The following WAPL variants were observed in gnomAD, a reference collection of about 807,000 sequenced individuals.
WAPL encodes the protein wings apart-like protein homolog.
In WAPL, 5 loss-of-function variants were observed where a neutral mutation model predicts 121.0. The observed-to-expected ratio is 0.04, with a 90% CI of 0.02 to 0.09. WAPL has a LOEUF of 0.09. WAPL is among the 10% of genes least tolerant of loss of function. The pLI, the probability that WAPL is intolerant of heterozygous loss-of-function variation, is 1.00. For missense variants in WAPL, 999 were observed against 1,410.8 expected, an observed-to-expected ratio of 0.71 and a Z score of 4.68; for synonymous variants, 480 against 481.5, an observed-to-expected ratio of 1.00 and a Z score of 0.04.
chr10:86,436,005 A>C lies in WAPL; in HGVS notation c.*1538T>G, dbSNP rs1340204165. ...GTTACACTGGCGTACTATGTTCTTA[A>C]AAGGTGATGGGTAGGGGTTGGGGTG... is the stretch of plus-strand genomic sequence containing the variant. On this transcript the variant is annotated 3_prime_UTR_variant, in exon 19 of 19. Transcript: ENST00000298767. 6.6e-6 allele frequency: 1 copy of C among 152,484 alleles called. No individual in the cohort carries two copies. The allele number at this position is 152,484 out of a possible 1,614,324, so 9.4% of individuals were successfully genotyped here.
intron 2 of WAPL, among the ~76,000 whole-genome samples, chr10:86,507,973 A>G (rs888228897): frequency 6.6e-6 from 1 of 152,146 alleles, no homozygotes; most frequent in African/African-American, 2.4e-5. Context: ...CAAAATGTCT[A>G]TTGAGGACAA....
intron 17 of WAPL, among the ~76,000 whole-genome samples, chr10:86,440,864 G>A (rs548607893): frequency 7.4e-5 from 9 of 121,262 alleles, no homozygotes; most frequent in African/African-American, 2.6e-4. Flanking sequence ...AAACACACAG[G>A]ACTTAGATAC....
chr10:86,447,133 C>G (rs1295940150), intron 15 of WAPL, among the ~76,000 whole-genome samples: 1 of 152,212 alleles, frequency 6.6e-6, no homozygotes, highest in African/African-American at 2.4e-5. Context: ...TTTCTTCTTT[C>G]ACTGAGTGCA....
chr10:86,446,138 G>T, intron 16 of WAPL, 104 bp downstream of exon 16: 1 of 1,282,664 alleles, frequency 7.8e-7, no homozygotes, highest in Non-Finnish European at 1.1e-6. Flanking sequence ...AGGTCCTCAA[G>T]CAATAGCCAG....
chr10:86,463,649 T>A (rs1176461661), intron 9 of WAPL, among the ~76,000 whole-genome samples: 1 of 152,244 alleles, frequency 6.6e-6, no homozygotes, highest in African/African-American at 2.4e-5. Context: ...GTATGGTGTT[T>A]ATCAAGTCTA....
chr10:86,472,668 T>A lies in WAPL; in HGVS notation c.1837A>T (p.Thr613Ser), dbSNP rs1480419126. The A allele has an allele frequency of 1.2e-6, 2 of 1,613,928 alleles. No individual in the cohort carries two copies. Among genetic ancestry groups the A allele is most frequent in the East Asian group, 2.2e-5 (1 of 44,832 alleles). ...GTAACTATATCTTGGTAGGGCTGAG[T>A]AGGTATTGTCACAGTTTTTATCACT... ...SKVIKTVTIPTQPYQDIVTAL... is the reference protein window; with the variant it reads ...SKVIKTVTIPSQPYQDIVTAL... The change falls in exon 6 of 19, where the codon ACT becomes TCT. Residue 613 changes from threonine to serine, a missense_variant. Physicochemically the swap from Thr to Ser is moderately conservative, Grantham distance 58. Transcript: ENST00000298767. The surrounding 1 kb of genome is among the most constrained non-coding windows in gnomAD (Gnocchi z 4.2).
Position 86,483,729 on chromosome 10 carries a change from A to ACT in WAPL, c.1645-9758_1645-9757dup, listed in dbSNP as rs150585992. On this transcript the variant is annotated intron_variant, in intron 4 of 18. Coordinates refer to ENST00000298767, the MANE Select transcript of WAPL (RefSeq NM_015045.5). ...GAAGACTGTGAGAATTATGATCTTC[A>ACT]CTCTGGATAGGTCTAGGCTGGTGTA... is the stretch of plus-strand genomic sequence containing the variant. Among the ~76,000 whole-genome samples, 772 of 138,320 alleles carry ACT rather than the reference A, an allele frequency of 5.6e-3. 6 individuals are homozygous for ACT. Among genetic ancestry groups the ACT allele is most frequent in the African/African-American group, 0.02 (736 of 36,366 alleles). 90.7% of individuals were successfully genotyped at this position (138,320 alleles called of 152,430 possible).
At chr10:86,492,218 TGGAAGAAGGAGAGG>T (rs1163226773) in intron 4 of WAPL, among the ~76,000 whole-genome samples, 57 of 152,314 alleles carry the variant, frequency 3.7e-4, no homozygotes, top group African/African-American at 1.3e-3. Context: ...TGGAGACAGC[TGGAAGAAGGAGAGG>T]GGAAGAAGGA....
At chr10:86,441,665 C>T (rs1228217647) in intron 17 of WAPL, among the ~76,000 whole-genome samples, 2 of 151,562 alleles carry the variant, frequency 1.3e-5, no homozygotes, top group Admixed American at 6.6e-5. Flanking sequence ...AGCACGGGAC[C>T]ATAAGGGCTA....
chr10:86,491,870 CTGTG>C (rs1411105830), intron 4 of WAPL, among the ~76,000 whole-genome samples: 1 of 152,108 alleles, frequency 6.6e-6, no homozygotes, highest in Non-Finnish European at 1.5e-5. Flanking sequence ...TCCAGTTACC[CTGTG>C]TGTGTGTTAA....
At chr10:86,479,360 C>G (rs529531008) in intron 4 of WAPL, among the ~76,000 whole-genome samples, 2 of 152,220 alleles carry the variant, frequency 1.3e-5, no homozygotes, top group African/African-American at 4.8e-5. Flanking sequence ...CGGGTTCAAG[C>G]GATTCTCCTG....
At chr10:86,505,988 G>A (rs1289123770) in intron 2 of WAPL, among the ~76,000 whole-genome samples, 2 of 152,144 alleles carry the variant, frequency 1.3e-5, no homozygotes, top group Admixed American at 6.5e-5. Context: ...CAGAAGCACT[G>A]GTTCATGACA....
chr10:86,456,574 A>G (rs540124582), intron 12 of WAPL, among the ~76,000 whole-genome samples: 3 of 152,348 alleles, frequency 2.0e-5, no homozygotes, highest in South Asian at 2.1e-4. Flanking sequence ...CATGCATTAT[A>G]TATCACACAA....
intron 9 of WAPL, among the ~76,000 whole-genome samples, chr10:86,462,721 CAAA>C (rs59998538): frequency 5.0e-5 from 4 of 80,608 alleles, no homozygotes; most frequent in Non-Finnish European, 7.2e-5. Context: ...GATCCCGTCT[CAAA>C]AAAAAAAAAA....
intron 1 of WAPL, among the ~76,000 whole-genome samples, chr10:86,520,297 AAAT>A (rs924323359): frequency 3.9e-5 from 6 of 152,184 alleles, no homozygotes; most frequent in Admixed American, 2.6e-4. Flanking sequence ...CTCCGTCTCA[AAAT>A]AATAATAATA....
At chr10:86,460,360 A>C (rs769089141) in intron 11 of WAPL, 39 bp downstream of exon 11, 1 of 1,517,030 alleles carries the variant, frequency 6.6e-7, no homozygotes, top group African/African-American at 1.4e-5. Flanking sequence ...ATCACAATTA[A>C]GACTGAATAA....
chr10:86,520,172 G>A (rs1485219122), intron 1 of WAPL, among the ~76,000 whole-genome samples: 1 of 152,154 alleles, frequency 6.6e-6, no homozygotes, highest in Non-Finnish European at 1.5e-5. Flanking sequence ...GCGCATGCCT[G>A]TAATCCCAGC....
rs370511447 is a variant in WAPL, at chr10:86,500,634, T to G, written c.609A>C (p.Glu203Asp). The stretch of plus-strand genomic sequence containing the variant: ...TCCAAGTATCATTTGTTTCCTTGAT[T>G]TCAGAAGCCACTGTAGTTTCTGCAT... Reference protein sequence around the residue: ...KPNAETTVASEIKETNDTWNS... With the variant: ...KPNAETTVASDIKETNDTWNS... Residue 203 changes from glutamate (E) to aspartate (D), a missense_variant, in exon 3 of 19, where the codon GAA becomes GAC. By Grantham distance (45) the Glu-to-Asp change is conservative. Around this residue, in one of 7 missense-constraint regions of WAPL, gnomAD observed 531 missense variants for 563.1 expected, o/e 0.94. Coordinates refer to ENST00000298767, the MANE Select transcript of WAPL (RefSeq NM_015045.5). 3.7e-6 allele frequency: 6 copies of G among 1,614,126 alleles called. No homozygotes were observed. The highest frequency in any genetic ancestry group is 5.1e-6 in the Non-Finnish European group (6 of 1,180,014).
At chr10:86,489,555 T>C (rs1179377027) in intron 4 of WAPL, among the ~76,000 whole-genome samples, 3 of 152,154 alleles carry the variant, frequency 2.0e-5, no homozygotes, top group African/African-American at 7.2e-5. Flanking sequence ...CATTTGGCAA[T>C]GTCCAAAGAC....
Sources: allele counts gnomAD v4.1 joint callset (sites outside exome capture counted in the v4.1 genomes callset), GRCh38; gene constraint gnomAD v4.1.1; regional missense constraint gnomAD v4.1.1; non-coding constraint Gnocchi (gnomAD v3.1); transcripts MANE v1.5; gene names NCBI Gene and HGNC (gene_info 2026-07-23, HGNC 2026-07-21).